Variants in MAML2 observed in about 807,000 individuals in gnomAD.
MAML2 encodes mastermind-like protein 2.
Under a neutral mutation model 96.1 loss-of-function variants are expected in MAML2, and 22 were observed. That is an observed-to-expected ratio of 0.23 (90% CI 0.16 to 0.33). The LOEUF (loss-of-function observed/expected upper bound fraction) is 0.33, where lower values mean the gene tolerates loss of function less well. Ranked by LOEUF, MAML2 falls within the 10% of genes least tolerant of loss-of-function variation. The pLI is 1.00. For missense variants in MAML2, 1,367 were observed against 1,392.4 expected (o/e 0.98, Z 0.29); for synonymous variants, 561 against 521.3 (o/e 1.08, Z -1.04).
intron 2 of MAML2, among the ~76,000 whole-genome samples, chr11:96,026,668 A>G (rs1349131213): frequency 6.6e-6 from 1 of 152,110 alleles, no homozygotes; most frequent in Non-Finnish European, 1.5e-5. Context: ...TGCTCAGCAC[A>G]TATGACTAAA....
At chr11:96,145,485 T>C (rs937886260) in intron 1 of MAML2, among the ~76,000 whole-genome samples, 2 of 152,220 alleles carry the variant, frequency 1.3e-5, no homozygotes, top group Admixed American at 1.3e-4. Context: ...CCTTGTGAAT[T>C]TTTAGGGAAA....
At chr11:96,230,502 A>G (rs1394580076) in intron 1 of MAML2, among the ~76,000 whole-genome samples, 3 of 152,222 alleles carry the variant, frequency 2.0e-5, no homozygotes, top group African/African-American at 4.8e-5. Flanking sequence ...TAACTTAACT[A>G]CTTTATAGCA....
At chr11:96,104,339 C>A (rs1209156187) in intron 1 of MAML2, among the ~76,000 whole-genome samples, 1 of 152,160 alleles carries the variant, frequency 6.6e-6, no homozygotes, top group African/African-American at 2.4e-5. Flanking sequence ...TGCCGAAGTA[C>A]TTTCCGATGG....
intron 1 of MAML2, among the ~76,000 whole-genome samples, chr11:96,151,610 A>C (rs769357771): frequency 5.3e-5 from 8 of 152,170 alleles, no homozygotes; most frequent in Non-Finnish European, 1.2e-4. Context: ...TGTTCTCATG[A>C]TGGTGAGTGA....
intron 1 of MAML2, among the ~76,000 whole-genome samples, chr11:96,276,805 C>T (rs1254718330): frequency 2.3e-5 from 3 of 131,188 alleles, no homozygotes; most frequent in Non-Finnish European, 4.7e-5. Context: ...CTCTCCATAG[C>T]TTCTCAGACC....
At chr11:96,103,418 G>C (rs1030586556) in intron 1 of MAML2, among the ~76,000 whole-genome samples, 4 of 152,138 alleles carry the variant, frequency 2.6e-5, no homozygotes, top group Non-Finnish European at 5.9e-5. Context: ...CTGATTCTTA[G>C]CAACTCTTTG....
rs542598820 is a variant in MAML2 at position 95,977,372 on chromosome 11, A to T, written c.*1576T>A. 3.2e-5 allele frequency: 6 copies of T among 188,496 alleles called. No homozygotes were observed. In the East Asian group the frequency reaches 5.1e-4, roughly 16 times the overall value. The allele number at this position is 188,496 out of a possible 1,614,324, so 11.7% of individuals were successfully genotyped here. A position where few individuals can be genotyped will look rare whatever the true frequency, so the allele number is the denominator to read the frequency against. On this transcript the variant is annotated 3_prime_UTR_variant, in exon 5 of 5. Coordinates refer to ENST00000524717, the MANE Select transcript of MAML2 (RefSeq NM_032427.4). ...CTGGGCCAGTGATGTTGGTATTGTA[A>T]AGAAGGAGAGTGCTTCCAGACATTT...
chr11:96,277,595 T>C (rs553984697), intron 1 of MAML2, among the ~76,000 whole-genome samples: 1 of 151,730 alleles, frequency 6.6e-6, no homozygotes, highest in South Asian at 2.1e-4. Flanking sequence ...CTGCTAAAAA[T>C]ACAAAAATTA....
chr11:96,214,458 T>A (rs1455067561), intron 1 of MAML2, among the ~76,000 whole-genome samples: 1 of 152,216 alleles, frequency 6.6e-6, no homozygotes, highest in Non-Finnish European at 1.5e-5. Context: ...TGATAAAGAA[T>A]GTAATCTCTC....
intron 2 of MAML2, among the ~76,000 whole-genome samples, chr11:96,050,571 C>A (rs569504429): frequency 4.5e-4 from 69 of 152,264 alleles, no homozygotes; most frequent in African/African-American, 1.6e-3. Context: ...TCCCTGGAAA[C>A]AGATAAAGAT....
intron 1 of MAML2, among the ~76,000 whole-genome samples, chr11:96,122,888 T>C (rs192816996): frequency 7.9e-5 from 12 of 152,348 alleles, no homozygotes; most frequent in African/African-American, 2.4e-4. Flanking sequence ...CTTTAAGGTG[T>C]TGGTGCTGGA....
chr11:96,141,159 T>C (rs756401449), intron 1 of MAML2, among the ~76,000 whole-genome samples: 6 of 152,116 alleles, frequency 3.9e-5, no homozygotes, highest in Non-Finnish European at 7.4e-5. Flanking sequence ...ATCCTTCTGG[T>C]GAGGTGCTTA....
At chr11:96,186,815 C>A (rs1374895439) in intron 1 of MAML2, among the ~76,000 whole-genome samples, 1 of 152,134 alleles carries the variant, frequency 6.6e-6, no homozygotes, top group Non-Finnish European at 1.5e-5. Context: ...ACCCAATAGC[C>A]CCTGGCTTTA....
Position 96,237,036 on chromosome 11 carries a change from C to T in MAML2, c.513+104347G>A, listed in dbSNP as rs142438327. On this transcript the variant is annotated intron_variant, in intron 1 of 4. Coordinates refer to ENST00000524717, the MANE Select transcript of MAML2 (RefSeq NM_032427.4). ...GGATGCTAATATTTTGCAGACCAAG[C>T]ATGAGCCAAAATGGATTAAAAAATC... Among the ~76,000 whole-genome samples the T allele has an allele frequency of 3.8e-3, 580 of 152,234 alleles. 6 individuals are homozygous for T. Among genetic ancestry groups the T allele is most frequent in the South Asian group, 0.03 (145 of 4,826 alleles).
chr11:96,340,473 A>G (rs1181726959), intron 1 of MAML2, among the ~76,000 whole-genome samples: 1 of 152,258 alleles, frequency 6.6e-6, no homozygotes, highest in Non-Finnish European at 1.5e-5. Flanking sequence ...TCACCTGACC[A>G]GGACTGGCAC....
intron 2 of MAML2, among the ~76,000 whole-genome samples, chr11:96,052,100 A>T (rs1939473): frequency 0.22 from 33,194 of 152,168 alleles, 4,445 homozygotes; most frequent in East Asian, 0.38. Context: ...AATGCTACAA[A>T]CTATCAGAAA....
chr11:96,077,637 CT>C (rs1382721745), intron 2 of MAML2, among the ~76,000 whole-genome samples: 1 of 152,178 alleles, frequency 6.6e-6, no homozygotes, highest in African/African-American at 2.4e-5. Context: ...ACTACTACTG[CT>C]TTTTCAGAAG....
At chr11:96,070,183 G>A (rs916147585) in intron 2 of MAML2, among the ~76,000 whole-genome samples, 48 of 151,800 alleles carry the variant, frequency 3.2e-4, no homozygotes, top group African/African-American at 1.1e-3. Flanking sequence ...CCAGCTACTC[G>A]GGAGGCTGAG....
chr11:96,273,651 G>A (rs553178809), intron 1 of MAML2, among the ~76,000 whole-genome samples: 53 of 152,276 alleles, frequency 3.5e-4, no homozygotes, highest in Admixed American at 5.2e-4. Context: ...AGTCTATGTA[G>A]TAGTTATGTG....
Sources: gnomAD v4.1 joint callset for allele counts (sites outside exome capture counted in the v4.1 genomes callset) on GRCh38, gnomAD v4.1.1 for gene constraint, MANE v1.5 for transcripts, NCBI Gene and HGNC (gene_info 2026-07-23, HGNC 2026-07-21) for gene names.